The following ACTR3 variants were observed in gnomAD, a reference collection of about 807,000 sequenced individuals.
ACTR3 encodes the protein actin-related protein 3.
A neutral mutation model predicts 56.8 loss-of-function variants in ACTR3; 12 were observed. That is an observed-to-expected ratio of 0.21 (90% CI 0.14 to 0.34). The LOEUF (loss-of-function observed/expected upper bound fraction) is 0.34, where lower values mean the gene tolerates loss of function less well. Ranked by LOEUF, ACTR3 falls within the 10% of genes least tolerant of loss-of-function variation. The probability of loss-of-function intolerance (pLI) is 1.00; values close to 1 mark genes in which losing one functional copy is unlikely to be tolerated. For synonymous variants in ACTR3, 162 were observed against 167.4 expected (o/e 0.97, Z 0.25); for missense variants, 282 against 512.5 (o/e 0.55, Z 4.34).
chr2:113,939,216 G>T (rs1258715041), intron 6 of ACTR3, among the ~76,000 whole-genome samples: 1 of 151,822 alleles, frequency 6.6e-6, no homozygotes, highest in Non-Finnish European at 1.5e-5. Context: ...TAGAGACGGG[G>T]TTTCACCGTG....
intron 8 of ACTR3, among the ~76,000 whole-genome samples, chr2:113,945,601 A>G (rs1680006638): frequency 6.6e-6 from 1 of 152,118 alleles, no homozygotes; most frequent in Admixed American, 6.5e-5. Context: ...CTTAAAATTC[A>G]GCTTTTCCTA....
chr2:113,892,208 C>A (rs1373507513), intron 1 of ACTR3, among the ~76,000 whole-genome samples: 1 of 152,180 alleles, frequency 6.6e-6, no homozygotes, highest in African/African-American at 2.4e-5. Flanking sequence ...CCTTAAGTGA[C>A]CTCCTTTCCT....
At chr2:113,901,334 G>A (rs9678565) in intron 1 of ACTR3, among the ~76,000 whole-genome samples, 11,213 of 152,238 alleles carry the variant, frequency 0.074, 461 homozygotes, top group African/African-American at 0.1. Context: ...CTTCAGCCTG[G>A]GCAATAAGAG....
At chr2:113,942,083 GTTTT>G in intron 7 of ACTR3, 99 bp from the exon 8 acceptor site, 2 of 764,202 alleles carry the variant, frequency 2.6e-6, no homozygotes, top group Non-Finnish European at 1.9e-6. Flanking sequence ...TTTCTGAAGA[GTTTT>G]TTTTTTTTAT....
At chr2:113,895,059 T>TCCCCCCCCCCC (rs61667793) in intron 1 of ACTR3, among the ~76,000 whole-genome samples, 29 of 111,348 alleles carry the variant, frequency 2.6e-4, no homozygotes, top group African/African-American at 5.5e-4. Context: ...TGGTTTAGGT[T>TCCCCCCCCCCC]CCCCCCCCCC....
intron 8 of ACTR3, among the ~76,000 whole-genome samples, chr2:113,944,021 G>T (rs1467349241): frequency 6.6e-6 from 1 of 152,144 alleles, no homozygotes; most frequent in Non-Finnish European, 1.5e-5. Flanking sequence ...AAGGATTATG[G>T]TCATAAAATT....
chr2:113,951,535 G>C lies in ACTR3; in HGVS notation c.915G>C (p.Gln305His), dbSNP rs767001180. 6.2e-7 allele frequency: 1 copy of C among 1,613,002 alleles called. No homozygotes were observed. The highest frequency in any genetic ancestry group is 2.2e-5 in the East Asian group (1 of 44,744). ...CAGAAGTTGTAGATGAAGTAATTCAGAATTGTCCTATTGATGTCAGACGTC... is the reference window on the plus strand; with the variant it reads ...CAGAAGTTGTAGATGAAGTAATTCACAATTGTCCTATTGATGTCAGACGTC... ...PISEVVDEVI[Q>H]NCPIDVRRPL... is the part of the protein sequence containing the mutation. The change falls in exon 9 of 12, where the codon CAG becomes CAC. Residue 305 changes from glutamine to histidine, a missense_variant. By Grantham distance (24) the Gln-to-His change is conservative. Coordinates refer to ENST00000263238, the MANE Select transcript of ACTR3 (RefSeq NM_005721.5).
intron 1 of ACTR3, among the ~76,000 whole-genome samples, chr2:113,891,280 T>C (rs1218963180): frequency 1.3e-5 from 2 of 152,186 alleles, no homozygotes; most frequent in African/African-American, 4.8e-5. Flanking sequence ...CATTCTGTGA[T>C]GGTATCTTGA....
chr2:113,921,718 T>G (rs1462113674), intron 3 of ACTR3, among the ~76,000 whole-genome samples: 2 of 152,134 alleles, frequency 1.3e-5, no homozygotes, highest in African/African-American at 2.4e-5. Context: ...GAGGAGAAAA[T>G]AAGTTTAATT....
chr2:113,920,274 T>C (rs1416083345), intron 3 of ACTR3, among the ~76,000 whole-genome samples: 2 of 152,156 alleles, frequency 1.3e-5, no homozygotes, highest in Non-Finnish European at 2.9e-5. Flanking sequence ...CCCATGCTCG[T>C]CTCAAACTCC....
intron 5 of ACTR3, among the ~76,000 whole-genome samples, chr2:113,931,655 G>A (rs1200691938): frequency 6.6e-6 from 1 of 152,014 alleles, no homozygotes; most frequent in Non-Finnish European, 1.5e-5. Flanking sequence ...AGAAATGAAG[G>A]AACTAATATT....
At chr2:113,892,500 T>C (rs997386489) in intron 1 of ACTR3, among the ~76,000 whole-genome samples, 30 of 152,184 alleles carry the variant, frequency 2.0e-4, no homozygotes, top group African/African-American at 4.6e-4. Context: ...CTCAAAAGCC[T>C]TTTTGGTCTT....
intron 1 of ACTR3, among the ~76,000 whole-genome samples, chr2:113,911,765 C>T (rs910734035): frequency 6.6e-6 from 1 of 152,064 alleles, no homozygotes. Context: ...GAGACAGAGT[C>T]TCACTCTGTC....
chr2:113,905,665 A>G (rs976455226), intron 1 of ACTR3, among the ~76,000 whole-genome samples: 1 of 152,238 alleles, frequency 6.6e-6, no homozygotes, highest in East Asian at 1.9e-4. Flanking sequence ...CTCTCCTCAC[A>G]TGCGAAGTCC....
At position 113,940,014 on chromosome 2, in the gene ACTR3, A is replaced by T. The variant is rs745376853; in HGVS notation, c.596A>T (p.Asp199Val). The change falls in exon 7 of 12, where the codon GAT (aspartate) becomes GTT (valine). Residue 199 changes from aspartate (D) to valine (V), a missense_variant. Transcript: ENST00000263238. ...AAACACATTCCAATCGCAGGACGAG[A>T]TATAACATATTTTATTCAGCAACTG... The part of the protein sequence containing the change: ...CIKHIPIAGR[D>V]ITYFIQQLLR... 1.2e-6 allele frequency: 2 copies of T among 1,613,500 alleles called. No individual in the cohort carries two copies. The highest frequency in any genetic ancestry group is 1.7e-6 in the Non-Finnish European group (2 of 1,179,640).
At chr2:113,897,606 A>C (rs1001630670) in intron 1 of ACTR3, among the ~76,000 whole-genome samples, 11 of 147,684 alleles carry the variant, frequency 7.4e-5, no homozygotes, top group African/African-American at 2.8e-4. Flanking sequence ...GGCTTGCTGA[A>C]ACCTCCGTCT....
At position 113,890,116 on chromosome 2, in the gene ACTR3, G is replaced by A. The variant is rs1331508892; in HGVS notation, c.-164G>A. On this transcript the variant is annotated 5_prime_UTR_variant, in exon 1 of 12. Transcript: ENST00000263238. ...TGCGGAAGTGATAGCCGCCGACCGA[G>A]CCTGCTGCTTTCTTGCTACTGCTTC... 8.6e-6 allele frequency: 7 copies of A among 817,252 alleles called. No homozygotes were observed. The Admixed American group carries it at 1.1e-4, about 13-fold the overall frequency. The allele number at this position is 817,252 out of a possible 1,614,324, so 50.6% of individuals were successfully genotyped here. A position where few individuals can be genotyped will look rare whatever the true frequency, so the allele number is the denominator to read the frequency against.
At chr2:113,927,928 C>T (rs115488868) in intron 4 of ACTR3, among the ~76,000 whole-genome samples, 2 of 152,256 alleles carry the variant, frequency 1.3e-5, no homozygotes, top group African/African-American at 2.4e-5. Flanking sequence ...TTTCTTACCT[C>T]TCCCAACCTT....
chr2:113,890,062 C>A, upstream of ACTR3: 1 of 590,806 alleles, frequency 1.7e-6, no homozygotes, highest in South Asian at 1.8e-5. Flanking sequence ...CGCGGCGGGG[C>A]AGGGCGGGGA....
Sources: gnomAD v4.1 joint callset for allele counts (sites outside exome capture counted in the v4.1 genomes callset) on GRCh38, gnomAD v4.1.1 for gene constraint, MANE v1.5 for transcripts, NCBI Gene and HGNC (gene_info 2026-07-23, HGNC 2026-07-21) for gene names.